The following FNDC3A variants were observed in gnomAD, a reference collection of about 807,000 sequenced individuals.
FNDC3A encodes fibronectin type-III domain-containing protein 3A.
In FNDC3A, 32 loss-of-function variants were observed where a neutral mutation model predicts 148.9. The ratio of observed to expected loss-of-function variants is 0.21; its 90% CI spans 0.16 to 0.29. The LOEUF is 0.29. FNDC3A is among the 10% of genes least tolerant of loss of function. FNDC3A has a pLI of 1.00. For missense variants in FNDC3A, 1,191 were observed against 1,452.8 expected, an observed-to-expected ratio of 0.82 and a Z score of 2.93; for synonymous variants, 472 against 473.6, an observed-to-expected ratio of 1.00 and a Z score of 0.04.
intron 3 of FNDC3A, among the ~76,000 whole-genome samples, chr13:49,095,736 G>A (rs933501254): frequency 6.6e-6 from 1 of 152,004 alleles, no homozygotes; most frequent in East Asian, 1.9e-4. Flanking sequence ...TTGATTCAGG[G>A]AAGTACTAAT....
intron 1 of FNDC3A, among the ~76,000 whole-genome samples, chr13:48,996,706 A>G (rs1442786236): frequency 6.6e-6 from 1 of 152,174 alleles, no homozygotes; most frequent in Non-Finnish European, 1.5e-5. Flanking sequence ...GGTTTCAGAT[A>G]TGGCTCTGGA....
intron 3 of FNDC3A, among the ~76,000 whole-genome samples, chr13:49,097,723 G>T (rs78088969): frequency 2.0e-5 from 3 of 151,886 alleles, no homozygotes; most frequent in Non-Finnish European, 4.4e-5. Flanking sequence ...ATTAGGTGTG[G>T]GTGTGTTTTC....
At position 49,207,141 on chromosome 13, in the gene FNDC3A, C is replaced by A. The variant is rs1046852754; in HGVS notation, c.3343C>A (p.Arg1115Ser). 1.2e-6 allele frequency: 2 copies of A among 1,614,010 alleles called. No homozygotes were observed. The highest frequency in any genetic ancestry group is 1.7e-6 in the Non-Finnish European group (2 of 1,179,974). ...YSSLQLNCEYRFRVCAIRQCQ... is the reference protein window; with the variant it reads ...YSSLQLNCEYSFRVCAIRQCQ... ...CAGCCTTCAGCTGAACTGTGAATATCGCTTCCGTGTATGTGCCATTCGCCA... is the reference window on the plus strand; with the variant it reads ...CAGCCTTCAGCTGAACTGTGAATATAGCTTCCGTGTATGTGCCATTCGCCA... The change falls in exon 26 of 26, where the codon CGC becomes AGC. Residue 1115 changes from arginine to serine, a missense_variant. By Grantham distance (110) the Arg-to-Ser change is moderately radical (BLOSUM62 -1). Transcript: ENST00000492622.
chr13:49,196,390 G>T (rs1234086425), intron 19 of FNDC3A, among the ~76,000 whole-genome samples: 1 of 152,126 alleles, frequency 6.6e-6, no homozygotes, highest in African/African-American at 2.4e-5. Context: ...GAGCTTTTTA[G>T]CATGGAACAG....
At chr13:48,999,457 G>C (rs2987535) in intron 1 of FNDC3A, among the ~76,000 whole-genome samples, 47,813 of 151,970 alleles carry the variant, frequency 0.31, 7,622 homozygotes, top group South Asian at 0.48. Flanking sequence ...TTTTGCCTCA[G>C]GATGAATTGT....
At chr13:49,141,892 C>T (rs1882712348) in intron 7 of FNDC3A, among the ~76,000 whole-genome samples, 1 of 152,076 alleles carries the variant, frequency 6.6e-6, no homozygotes, top group Non-Finnish European at 1.5e-5. Flanking sequence ...GAAGTGGATT[C>T]AGAGTGGGAT....
At chr13:49,040,450 G>C (rs1874838660) in intron 2 of FNDC3A, among the ~76,000 whole-genome samples, 1 of 152,136 alleles carries the variant, frequency 6.6e-6, no homozygotes, top group Admixed American at 6.5e-5. Context: ...AGTAGAGCAA[G>C]GTCTTCAAAA....
intron 1 of FNDC3A, among the ~76,000 whole-genome samples, chr13:48,979,814 CTTGT>C (rs779768112): frequency 2.6e-4 from 40 of 151,942 alleles, no homozygotes; most frequent in South Asian, 1.7e-3. Flanking sequence ...GTTGAATGTT[CTTGT>C]TTGTTTGTTA....
rs751299708 is a variant in FNDC3A at position 49,188,644 on chromosome 13, T to C, written c.1944+11T>C. The stretch of plus-strand genomic sequence containing the variant: ...GGAGGACAGAGTGCGGTAATACTTA[T>C]ATGTAGATTCTTTTGTGTTGTTATT... On this transcript the variant is annotated intron_variant, in intron 17 of 25. Transcript: ENST00000492622. The C allele has an allele frequency of 2.9e-5, 45 of 1,544,948 alleles. No homozygotes were observed. Among genetic ancestry groups the C allele is most frequent in the East Asian group, 6.8e-5 (3 of 44,434 alleles).
At chr13:49,045,289 G>A (rs572026440) in intron 2 of FNDC3A, among the ~76,000 whole-genome samples, 1 of 152,178 alleles carries the variant, frequency 6.6e-6, no homozygotes, top group African/African-American at 2.4e-5. Context: ...GAGTAGCTGG[G>A]ACTACAAGTG....
chr13:49,033,739 A>G (rs1874293549), intron 2 of FNDC3A, among the ~76,000 whole-genome samples: 1 of 151,978 alleles, frequency 6.6e-6, no homozygotes, highest in South Asian at 2.1e-4. Flanking sequence ...GTCATATTTT[A>G]TAATTTATAC....
intron 4 of FNDC3A, among the ~76,000 whole-genome samples, chr13:49,125,103 A>G (rs1881613748): frequency 6.6e-6 from 1 of 152,166 alleles, no homozygotes; most frequent in African/African-American, 2.4e-5. Flanking sequence ...GACTTTGGGA[A>G]AAGTTTCAGG....
chr13:49,068,191 T>C (rs934702754), intron 2 of FNDC3A, among the ~76,000 whole-genome samples: 1 of 124,336 alleles, frequency 8.0e-6, no homozygotes, highest in Non-Finnish European at 1.7e-5. Flanking sequence ...AAAAAAAGTG[T>C]GTAAGTGTGT....
At position 49,065,297 on chromosome 13, in the gene FNDC3A, C is replaced by T. The variant is rs557959009; in HGVS notation, c.100-9992C>T. Among the ~76,000 whole-genome samples the T allele has an allele frequency of 1.1e-4, 17 of 152,280 alleles. No homozygotes were observed. The South Asian group carries it at 3.5e-3, about 32-fold the overall frequency. ...GCTCAGGAACCCAGGAGGGAACTTTCCAAGAGTCACAGGGCCCAGTATCTA... is the reference window on the plus strand; with the variant it reads ...GCTCAGGAACCCAGGAGGGAACTTTTCAAGAGTCACAGGGCCCAGTATCTA... On this transcript the variant is annotated intron_variant, in intron 2 of 25. Transcript: ENST00000492622.
At chr13:49,155,211 A>G (rs1269479356) in intron 8 of FNDC3A, among the ~76,000 whole-genome samples, 1 of 152,096 alleles carries the variant, frequency 6.6e-6, no homozygotes, top group African/African-American at 2.4e-5. Context: ...TTATTGGTCT[A>G]TTCAGGGATT....
At chr13:49,019,233 G>A (rs1292760978) in intron 2 of FNDC3A, among the ~76,000 whole-genome samples, 1 of 152,240 alleles carries the variant, frequency 6.6e-6, no homozygotes. Context: ...ATCTCAGACT[G>A]CTGTGCTAGC....
At chr13:49,070,892 T>G (rs1877626435) in intron 2 of FNDC3A, among the ~76,000 whole-genome samples, 1 of 144,280 alleles carries the variant, frequency 6.9e-6, no homozygotes, top group Admixed American at 6.9e-5. Flanking sequence ...TTTTTTTTTT[T>G]TGTTTTGTTT....
rs546099858 is a variant in FNDC3A, at chr13:49,072,899, T to C, written c.100-2390T>C. Reference sequence around the variant, plus strand: ...GGTTTTTCTAAGTATAAGATCATGTTGTCTGCAAACAAGGATAATTTGACT... The same window carrying C: ...GGTTTTTCTAAGTATAAGATCATGTCGTCTGCAAACAAGGATAATTTGACT... On this transcript the variant is annotated intron_variant, in intron 2 of 25. Coordinates refer to ENST00000492622, the MANE Select transcript of FNDC3A (RefSeq NM_001079673.2). Among the ~76,000 whole-genome samples the C allele has an allele frequency of 2.6e-5, 4 of 152,370 alleles. No individual in the cohort carries two copies. The East Asian group carries it at 7.7e-4, about 29-fold the overall frequency.
chr13:49,167,255 C>A lies in FNDC3A; in HGVS notation c.989C>A (p.Thr330Lys). The A allele has an allele frequency of 6.3e-7, 1 of 1,599,558 alleles. No homozygotes were observed. The highest frequency in any genetic ancestry group is 2.3e-5 in the East Asian group (1 of 44,406). ...KYKSVYVGEE[T>K]NITLNDLKPA... ...CCTTTTTTCCCCAGAGGAGAAGAAA[C>A]AAATATCACTTTAAATGATCTCAAG... The change falls in exon 9 of 26, where the codon ACA (threonine) becomes AAA (lysine). Residue 330 changes from threonine (T) to lysine (K), a missense_variant. This residue lies in a region of FNDC3A where 426 missense variants were observed against 473.2 expected (regional missense o/e 0.90). Coordinates refer to ENST00000492622, the MANE Select transcript of FNDC3A (RefSeq NM_001079673.2).
Sources: gnomAD v4.1 joint callset for allele counts (sites outside exome capture counted in the v4.1 genomes callset) on GRCh38, gnomAD v4.1.1 for gene constraint, gnomAD v4.1.1 regional missense constraint, MANE v1.5 for transcripts, NCBI Gene and HGNC (gene_info 2026-07-23, HGNC 2026-07-21) for gene names.